The following CBFA2T3 variants were observed in gnomAD, a reference collection of about 807,000 sequenced individuals.
CBFA2T3 encodes transcriptional corepressor CBFA2T3.
A neutral mutation model predicts 58.6 loss-of-function variants in CBFA2T3; 31 were observed. The ratio of observed to expected loss-of-function variants is 0.53; its 90% confidence interval spans 0.40 to 0.71. The LOEUF (loss-of-function observed/expected upper bound fraction) is 0.71. Among genes scored for constraint, CBFA2T3 ranks in the 30% least tolerant of loss-of-function variants. The pLI, the probability that CBFA2T3 is intolerant of heterozygous loss-of-function variation, is 0.00. For synonymous variants in CBFA2T3, 531 were observed against 421.9 expected, an observed-to-expected ratio of 1.26 and a Z score of -3.17; for missense variants, 1,076 against 963.1, an observed-to-expected ratio of 1.12 and a Z score of -1.55.
intron 8 of CBFA2T3, chr16:88,881,761 C>T (rs879238816): frequency 7.4e-5 from 32 of 430,978 alleles, no homozygotes; most frequent in Admixed American, 3.5e-4. Flanking sequence ...ACCCGCTCAG[C>T]GGGGCTCTGC....
intron 1 of CBFA2T3, among the ~76,000 whole-genome samples, chr16:88,913,999 C>T (rs1049244086): frequency 5.3e-5 from 8 of 152,280 alleles, no homozygotes; most frequent in Non-Finnish European, 1.0e-4. Context: ...ACAGCTGCAC[C>T]GGCCACTTCC....
intron 1 of CBFA2T3, among the ~76,000 whole-genome samples, chr16:88,935,372 G>A (rs544968767): frequency 3.9e-5 from 6 of 152,348 alleles, no homozygotes; most frequent in South Asian, 4.1e-4. Flanking sequence ...CACCACCTGC[G>A]TGGGGACCCT....
intron 11 of CBFA2T3, among the ~76,000 whole-genome samples, chr16:88,877,743 C>CG (rs1344186865): frequency 2.0e-5 from 3 of 152,102 alleles, no homozygotes; most frequent in African/African-American, 7.2e-5. Flanking sequence ...GGCTCTGCTC[C>CG]CTTCCCGTAG....
At chr16:88,966,892 A>C (rs1295073135) in intron 1 of CBFA2T3, among the ~76,000 whole-genome samples, 1 of 151,962 alleles carries the variant, frequency 6.6e-6, no homozygotes, top group African/African-American at 2.4e-5. Context: ...TAGGGCCCAC[A>C]CCCACCCTGG....
In CBFA2T3 at chr16:88,881,430, G is replaced by C. The variant is rs761698622; in HGVS notation, c.1263C>G (p.Arg421=). 1.9e-6 allele frequency: 3 copies of C among 1,609,732 alleles called. No individual in the cohort carries two copies. Among genetic ancestry groups the C allele is most frequent in the Middle Eastern group, 1.7e-4 (1 of 6,048 alleles). ...EKTRRSLTVL[R]RCQEADREEL... ...CCTCGCGGTCGGCCTCCTGGCACCT[G>C]CGCAGCACCGTGAGCGAGCGCCGCG... Residue 421 remains arginine (R), a synonymous_variant, in exon 9 of 12, where the codon CGC becomes CGG. Transcript: ENST00000268679.
intron 5 of CBFA2T3, among the ~76,000 whole-genome samples, chr16:88,890,702 CTTCATTCA>C (rs58270745): frequency 1.7e-4 from 25 of 151,258 alleles, no homozygotes; most frequent in African/African-American, 3.4e-4. Context: ...GAATCACTGG[CTTCATTCA>C]TTCATTCATT....
At chr16:88,896,265 C>T (rs1459581738) in intron 3 of CBFA2T3, among the ~76,000 whole-genome samples, 11 of 152,192 alleles carry the variant, frequency 7.2e-5, no homozygotes, top group Middle Eastern at 3.2e-3. Context: ...GCTGGGGCCG[C>T]GAACCTCCAC....
intron 1 of CBFA2T3, chr16:88,951,018 C>A (rs1326920488): frequency 4.6e-6 from 2 of 430,148 alleles, no homozygotes; most frequent in Non-Finnish European, 4.6e-6. Context: ...CTCGCCTGGA[C>A]CGGCACCGGC....
chr16:88,968,809 G>A (rs564914954), intron 1 of CBFA2T3, among the ~76,000 whole-genome samples: 2 of 152,320 alleles, frequency 1.3e-5, no homozygotes, highest in Non-Finnish European at 1.5e-5. Context: ...CGCCTGGCAC[G>A]GAGGGGTGTG....
At chr16:88,931,465 G>A (rs1458052638) in intron 1 of CBFA2T3, among the ~76,000 whole-genome samples, 4 of 152,040 alleles carry the variant, frequency 2.6e-5, no homozygotes, top group Non-Finnish European at 5.9e-5. Flanking sequence ...TTTCCAACCC[G>A]AAGGTCTCCT....
Position 88,974,606 on chromosome 16 carries a change from C to T in CBFA2T3, c.151+2051G>A, listed in dbSNP as rs541132260. On this transcript the variant is annotated intron_variant, in intron 1 of 11. Transcript: ENST00000268679. ...TAAAGACAGGAAGGTTCTTCTACTT[C>T]AGCTTTTAGAAATATTACTGTTCTC... Among the ~76,000 whole-genome samples the T allele has an allele frequency of 3.9e-5, 6 of 152,308 alleles. No individual in the cohort carries two copies. In the East Asian group the frequency reaches 1.2e-3, roughly 29 times the overall value.
chr16:88,976,568 AG>A (rs1190159895), intron 1 of CBFA2T3, 88 bp downstream of exon 1: 2 of 989,016 alleles, frequency 2.0e-6, no homozygotes, highest in African/African-American at 3.2e-5. Context: ...TAAGCTGGGC[AG>A]GCCCCGCGAA....
chr16:88,966,266 G>C (rs1972501535), intron 1 of CBFA2T3, among the ~76,000 whole-genome samples: 1 of 152,250 alleles, frequency 6.6e-6, no homozygotes, highest in Non-Finnish European at 1.5e-5. Flanking sequence ...TCTAGGGACA[G>C]ACTCCAGAGC....
At chr16:88,883,450 G>A (rs973349057) in intron 7 of CBFA2T3, 1 of 153,642 alleles carries the variant, frequency 6.5e-6, no homozygotes, top group African/African-American at 2.4e-5. Flanking sequence ...TCCTATTCGG[G>A]GTTGTTCTCT....
intron 1 of CBFA2T3, among the ~76,000 whole-genome samples, chr16:88,909,720 C>T (rs192640604): frequency 1.6e-3 from 238 of 152,300 alleles, no homozygotes; most frequent in African/African-American, 5.1e-3. Context: ...GCCGCCCTCC[C>T]GCCTCCTCAC....
At chr16:88,922,440 C>T (rs1597730714) in intron 1 of CBFA2T3, among the ~76,000 whole-genome samples, 1 of 152,240 alleles carries the variant, frequency 6.6e-6, no homozygotes, top group East Asian at 1.9e-4. Flanking sequence ...CCAGCGTGGG[C>T]GCAGTGGGAA....
At chr16:88,948,911 C>G (rs1169876028) in intron 1 of CBFA2T3, among the ~76,000 whole-genome samples, 1 of 152,140 alleles carries the variant, frequency 6.6e-6, no homozygotes, top group African/African-American at 2.4e-5. Context: ...GAAAAGCAGC[C>G]GGTGCTCGTG....
At chr16:88,967,426 C>T (rs959612671) in intron 1 of CBFA2T3, among the ~76,000 whole-genome samples, 2 of 151,944 alleles carry the variant, frequency 1.3e-5, no homozygotes, top group Admixed American at 6.6e-5. Flanking sequence ...TGCTGCCATG[C>T]GTCCACCTGT....
intron 1 of CBFA2T3, among the ~76,000 whole-genome samples, chr16:88,906,220 CG>C (rs1050561699): frequency 6.6e-6 from 1 of 152,168 alleles, no homozygotes; most frequent in East Asian, 1.9e-4. Context: ...GCTAAGACAC[CG>C]CTAGACAGGG....
Sources: gnomAD v4.1 joint callset for allele counts (sites outside exome capture counted in the v4.1 genomes callset) on GRCh38, gnomAD v4.1.1 for gene constraint, MANE v1.5 for transcripts, NCBI Gene and HGNC (gene_info 2026-07-23, HGNC 2026-07-21) for gene names.